Variants in RGS7 observed in about 807,000 individuals in gnomAD.
RGS7 encodes regulator of G protein signaling 7, also known as regulator of G-protein signaling 7.
Under a neutral mutation model 81.1 loss-of-function variants are expected in RGS7, and 27 were observed. The ratio of observed to expected loss-of-function variants is 0.33; its 90% CI spans 0.25 to 0.46. The LOEUF is 0.46. RGS7 is among the 20% of genes least tolerant of loss of function. The pLI is 1.00. For synonymous variants in RGS7, 208 were observed against 207.7 expected (o/e 1.00, Z -0.01); for missense variants, 396 against 607.4 (o/e 0.65, Z 3.66).
At chr1:241,071,874 C>CAAAAAAAAAAAAAAAAAAAAAAAAAAAAA (rs58217460) in intron 3 of RGS7, among the ~76,000 whole-genome samples, 3 of 56,856 alleles carry the variant, frequency 5.3e-5, no homozygotes, top group Non-Finnish European at 8.6e-5. Context: ...GAGACCCTGT[C>CAAAAAAAAAAAAAAAAAAAAAAAAAAAAA]AAAAAAAAAA....
At chr1:241,070,279 G>A (rs1431630061) in intron 3 of RGS7, among the ~76,000 whole-genome samples, 1 of 147,662 alleles carries the variant, frequency 6.8e-6, no homozygotes, top group Non-Finnish European at 1.5e-5. Context: ...AGATAGGCTG[G>A]TAACCCAAAT....
chr1:241,207,712 C>T (rs906186451), intron 2 of RGS7, among the ~76,000 whole-genome samples: 1 of 152,128 alleles, frequency 6.6e-6, no homozygotes, highest in African/African-American at 2.4e-5. Context: ...AGACATTTTG[C>T]AATTTTTAAA....
chr1:240,934,558 T>G lies in RGS7; in HGVS notation c.333+2042A>C, dbSNP rs1676263469. Among the ~76,000 whole-genome samples, 3 of 152,184 alleles carry G rather than the reference T, an allele frequency of 2.0e-5. No homozygotes were observed. In the South Asian group the frequency reaches 6.2e-4, roughly 32 times the overall value. On this transcript the variant is annotated intron_variant, in intron 5 of 18. Coordinates refer to ENST00000440928, the MANE Select transcript of RGS7 (RefSeq NM_001364886.1). Reference sequence around the variant, plus strand: ...AGTTTTCTGGTGTTTTTTAAAATCTTGGTTTCAGAACTCTAATATTATTAG... The same window carrying G: ...AGTTTTCTGGTGTTTTTTAAAATCTGGGTTTCAGAACTCTAATATTATTAG...
At chr1:241,294,311 T>C (rs2079264704) in intron 2 of RGS7, among the ~76,000 whole-genome samples, 1 of 150,044 alleles carries the variant, frequency 6.7e-6, no homozygotes, top group Non-Finnish European at 1.5e-5. Flanking sequence ...CAAGAACAAA[T>C]ACCTAATGCA....
At chr1:241,219,446 A>G (rs915947957) in intron 2 of RGS7, among the ~76,000 whole-genome samples, 1 of 152,168 alleles carries the variant, frequency 6.6e-6, no homozygotes, top group Non-Finnish European at 1.5e-5. Flanking sequence ...TTTCTTTTGT[A>G]AATTGCCCAG....
intron 2 of RGS7, among the ~76,000 whole-genome samples, chr1:241,259,877 A>T (rs2077243395): frequency 6.6e-6 from 1 of 151,866 alleles, no homozygotes; most frequent in Non-Finnish European, 1.5e-5. Flanking sequence ...ATAAAATATT[A>T]GTAGTAAAAG....
At chr1:240,971,270 C>T (rs6429232) in intron 4 of RGS7, among the ~76,000 whole-genome samples, 61,319 of 151,972 alleles carry the variant, frequency 0.4, 12,970 homozygotes, top group East Asian at 0.68. Flanking sequence ...CCTTGGACTT[C>T]CCAGTTTCCC....
chr1:240,983,553 T>C (rs891226819), intron 3 of RGS7, among the ~76,000 whole-genome samples: 1 of 152,174 alleles, frequency 6.6e-6, no homozygotes, highest in African/African-American at 2.4e-5. Flanking sequence ...CCAAATTTGT[T>C]TTTGGTTTTC....
chr1:241,331,539 ATAT>A (rs1478101368), intron 2 of RGS7, among the ~76,000 whole-genome samples: 2 of 152,138 alleles, frequency 1.3e-5, no homozygotes, highest in East Asian at 1.9e-4. Flanking sequence ...CATTGATATT[ATAT>A]TATTATTATT....
intron 9 of RGS7, among the ~76,000 whole-genome samples, chr1:240,853,594 C>T (rs958766975): frequency 2.2e-4 from 34 of 152,186 alleles, no homozygotes; most frequent in African/African-American, 7.2e-4. Context: ...TCATTCATTA[C>T]ATGTACTACC....
chr1:241,042,057 A>G (rs2060649711), intron 3 of RGS7, among the ~76,000 whole-genome samples: 1 of 152,190 alleles, frequency 6.6e-6, no homozygotes. Flanking sequence ...TTCCTAGTTA[A>G]CTAAGTAAAT....
chr1:241,051,933 G>A (rs779407929), intron 3 of RGS7, among the ~76,000 whole-genome samples: 4 of 152,082 alleles, frequency 2.6e-5, no homozygotes, highest in Non-Finnish European at 4.4e-5. Flanking sequence ...AACCGTACAC[G>A]TATCATGTGG....
intron 2 of RGS7, among the ~76,000 whole-genome samples, chr1:241,183,055 T>C (rs1357205113): frequency 6.6e-6 from 1 of 152,098 alleles, no homozygotes; most frequent in Non-Finnish European, 1.5e-5. Flanking sequence ...GTGTGCTTGC[T>C]AGTCCCTTAT....
At chr1:241,007,039 C>G (rs2058718006) in intron 3 of RGS7, among the ~76,000 whole-genome samples, 1 of 152,078 alleles carries the variant, frequency 6.6e-6, no homozygotes, top group African/African-American at 2.4e-5. Context: ...GTCTCAGCCT[C>G]CTGAGTAGTT....
chr1:241,305,163 G>A (rs897238120), intron 2 of RGS7, among the ~76,000 whole-genome samples: 20 of 152,268 alleles, frequency 1.3e-4, no homozygotes, highest in Middle Eastern at 3.4e-3. Flanking sequence ...CCGTTCCCAA[G>A]TTTTTATGAA....
chr1:241,346,774 A>G (rs570988971), intron 2 of RGS7, among the ~76,000 whole-genome samples: 1 of 152,348 alleles, frequency 6.6e-6, no homozygotes, highest in East Asian at 1.9e-4. Flanking sequence ...TACATAATGG[A>G]CCTGGCACAC....
At chr1:241,172,002 G>T (rs567889186) in intron 2 of RGS7, among the ~76,000 whole-genome samples, 1 of 152,296 alleles carries the variant, frequency 6.6e-6, no homozygotes, top group South Asian at 2.1e-4. Context: ...GACCCAAAAA[G>T]AAGAGCATTA....
chr1:240,920,235 C>T (rs566181121), intron 6 of RGS7: 21 of 1,210,404 alleles, frequency 1.7e-5, no homozygotes, highest in Non-Finnish European at 2.4e-5. Context: ...CCAAAGAGGT[C>T]GAAGTGGTTC....
At chr1:241,063,645 C>T (rs1330380985) in intron 3 of RGS7, among the ~76,000 whole-genome samples, 1 of 152,144 alleles carries the variant, frequency 6.6e-6, no homozygotes, top group Non-Finnish European at 1.5e-5. Flanking sequence ...TATATCTTGT[C>T]CTATTTTCCA....
Sources: gnomAD v4.1 joint callset for allele counts (sites outside exome capture counted in the v4.1 genomes callset) on GRCh38, gnomAD v4.1.1 for gene constraint, MANE v1.5 for transcripts, NCBI Gene and HGNC (gene_info 2026-07-23, HGNC 2026-07-21) for gene names.